MSI2: variants seen among roughly 807,000 people sequenced by gnomAD.
The protein encoded by MSI2 is RNA-binding protein Musashi homolog 2.
MSI2 carries 17 observed loss-of-function variants against 45.6 expected under a neutral mutation model. The observed-to-expected ratio is 0.37, with a 90% confidence interval of 0.26 to 0.56. The LOEUF (loss-of-function observed/expected upper bound fraction) is 0.56. Ranked by LOEUF, MSI2 falls within the 20% of genes least tolerant of loss-of-function variation. MSI2 has a pLI of 0.77. For synonymous variants in MSI2, 156 were observed against 158.2 expected (o/e 0.99, Z 0.11); for missense variants, 293 against 444.2 (o/e 0.66, Z 3.06).
chr17:57,656,630 C>G (rs1911610260), intron 11 of MSI2, among the ~76,000 whole-genome samples: 1 of 152,130 alleles, frequency 6.6e-6, no homozygotes, highest in Admixed American at 6.5e-5. Flanking sequence ...GCTATTTGTT[C>G]TTAGGGTTGG....
rs183187141 is a variant in MSI2, at chr17:57,463,195, G to A, written c.405+61724G>A. Among the ~76,000 whole-genome samples the A allele has an allele frequency of 4.8e-3, 734 of 152,254 alleles. 3 individuals are homozygous for A. Among genetic ancestry groups the A allele is most frequent in the Admixed American group, 9.5e-3 (146 of 15,298 alleles). ...GTTTGCCAAGGGTGGCTTGTTTTCC[G>A]TCTGGAGTGTCAAGCCTGCATTGAG... is the stretch of plus-strand genomic sequence containing the variant. On this transcript the variant is annotated intron_variant, in intron 6 of 13. Transcript: ENST00000284073.
intron 6 of MSI2, among the ~76,000 whole-genome samples, chr17:57,498,697 G>A (rs1265471703): frequency 6.6e-6 from 1 of 152,144 alleles, no homozygotes; most frequent in Non-Finnish European, 1.5e-5. Flanking sequence ...AATTAGGTTG[G>A]CTTTGTTGGG....
At chr17:57,668,194 C>T (rs565094707) in intron 11 of MSI2, among the ~76,000 whole-genome samples, 1 of 152,274 alleles carries the variant, frequency 6.6e-6, no homozygotes, top group Admixed American at 6.5e-5. Context: ...ACAGCAAATG[C>T]ATGGTCCTAG....
At chr17:57,669,710 C>G (rs565740670) in intron 11 of MSI2, among the ~76,000 whole-genome samples, 86 of 152,340 alleles carry the variant, frequency 5.6e-4, no homozygotes, top group African/African-American at 1.9e-3. Context: ...CTCTCCTGCT[C>G]TCAGTCCTCC....
chr17:57,468,477 C>G (rs902217619), intron 6 of MSI2, among the ~76,000 whole-genome samples: 1 of 146,848 alleles, frequency 6.8e-6, no homozygotes, highest in African/African-American at 2.5e-5. Context: ...GCCAAGATTG[C>G]GCCACTGCAC....
intron 11 of MSI2, among the ~76,000 whole-genome samples, chr17:57,656,157 A>G (rs546047954): frequency 3.9e-5 from 6 of 152,004 alleles, no homozygotes; most frequent in South Asian, 2.1e-4. Flanking sequence ...CATATTTTCA[A>G]TGTTTCCAAG....
intron 8 of MSI2, among the ~76,000 whole-genome samples, chr17:57,613,925 T>C (rs1016032502): frequency 6.6e-6 from 1 of 152,262 alleles, no homozygotes; most frequent in Admixed American, 6.5e-5. Context: ...AGGTGACTTA[T>C]ATCTTAGGTA....
chr17:57,486,326 T>G (rs899349328), intron 6 of MSI2, among the ~76,000 whole-genome samples: 5 of 152,238 alleles, frequency 3.3e-5, no homozygotes, highest in African/African-American at 1.2e-4. Flanking sequence ...AGATATTGCT[T>G]TCTTTTCACT....
At chr17:57,422,238 G>A (rs2084408949) in intron 6 of MSI2, among the ~76,000 whole-genome samples, 1 of 152,130 alleles carries the variant, frequency 6.6e-6, no homozygotes, top group Non-Finnish European at 1.5e-5. Context: ...GAGGAGGGCG[G>A]ATCATGAGAT....
intron 6 of MSI2, among the ~76,000 whole-genome samples, chr17:57,409,002 C>T (rs971402904): frequency 6.6e-6 from 1 of 151,712 alleles, no homozygotes; most frequent in Middle Eastern, 3.4e-3. Flanking sequence ...TCTCTGTAGA[C>T]CGGCCAGATT....
chr17:57,610,085 G>A (rs576977758), intron 8 of MSI2, among the ~76,000 whole-genome samples: 2 of 152,262 alleles, frequency 1.3e-5, no homozygotes, highest in East Asian at 3.9e-4. Context: ...TACTGAGACT[G>A]ATAACTGTGC....
At chr17:57,391,170 G>A (rs558167837) in intron 5 of MSI2, among the ~76,000 whole-genome samples, 2 of 152,312 alleles carry the variant, frequency 1.3e-5, no homozygotes, top group African/African-American at 4.8e-5. Context: ...GAGCACAGCC[G>A]GTGTGAAGAG....
At chr17:57,415,679 A>G (rs1245984464) in intron 6 of MSI2, among the ~76,000 whole-genome samples, 1 of 151,288 alleles carries the variant, frequency 6.6e-6, no homozygotes, top group East Asian at 1.9e-4. Flanking sequence ...GTGTTTCTGA[A>G]CCCCCAAATT....
chr17:57,669,499 A>G (rs574485543), intron 11 of MSI2, among the ~76,000 whole-genome samples: 1 of 152,342 alleles, frequency 6.6e-6, no homozygotes, highest in African/African-American at 2.4e-5. Flanking sequence ...CTAATAGGGG[A>G]GACAGAGTCC....
chr17:57,635,106 TA>T (rs1909741307), intron 10 of MSI2, among the ~76,000 whole-genome samples: 1 of 152,214 alleles, frequency 6.6e-6, no homozygotes, highest in African/African-American at 2.4e-5. Flanking sequence ...CAATTTCTGC[TA>T]CATACCTGAG....
chr17:57,344,075 G>C (rs1369588014), intron 5 of MSI2, among the ~76,000 whole-genome samples: 1 of 152,204 alleles, frequency 6.6e-6, no homozygotes, highest in Non-Finnish European at 1.5e-5. Flanking sequence ...GATGCTTTAA[G>C]ATGTTCCTCA....
intron 8 of MSI2, 61 bp downstream of exon 8, chr17:57,597,011 CT>C: frequency 3.2e-6 from 4 of 1,250,228 alleles, no homozygotes; most frequent in Non-Finnish European, 4.7e-6. Context: ...CACACCCAGT[CT>C]TGCAGACTGG....
rs534075462 is a variant in MSI2, at chr17:57,491,047, C to T, written c.406-38629C>T. ...GGGAGGACGGATGGGAGGTGTCACACTGCCCCTCGTGGGCCATTGCCTCAC... is the reference window on the plus strand; with the variant it reads ...GGGAGGACGGATGGGAGGTGTCACATTGCCCCTCGTGGGCCATTGCCTCAC... On this transcript the variant is annotated intron_variant, in intron 6 of 13. Coordinates refer to ENST00000284073, the MANE Select transcript of MSI2 (RefSeq NM_138962.4). Among the ~76,000 whole-genome samples the T allele has an allele frequency of 4.6e-5, 7 of 152,348 alleles. No homozygotes were observed. In the South Asian group the frequency reaches 1.2e-3, roughly 27 times the overall value.
intron 6 of MSI2, among the ~76,000 whole-genome samples, chr17:57,430,194 G>T (rs114221059): frequency 9.2e-5 from 14 of 152,294 alleles, no homozygotes; most frequent in African/African-American, 3.4e-4. Context: ...TGTAGCCACC[G>T]AAGAAAACTC....
Sources: gnomAD v4.1 joint callset for allele counts (sites outside exome capture counted in the v4.1 genomes callset) on GRCh38, gnomAD v4.1.1 for gene constraint, MANE v1.5 for transcripts, NCBI Gene and HGNC (gene_info 2026-07-23, HGNC 2026-07-21) for gene names.